Variants in MCCC1 observed in about 807,000 individuals in gnomAD.
MCCC1 encodes the protein methylcrotonyl-CoA carboxylase subunit 1.
Under a neutral mutation model 83.8 loss-of-function variants are expected in MCCC1, and 64 were observed. The observed-to-expected ratio is 0.76, with a 90% confidence interval of 0.62 to 0.94. The LOEUF is 0.94. Among genes scored for constraint, MCCC1 ranks in the 40% least tolerant of loss-of-function variants. The pLI is 0.00. For synonymous variants in MCCC1, 322 were observed against 315.4 expected (o/e 1.02, Z -0.22); for missense variants, 807 against 904.7 (o/e 0.89, Z 1.39).
Position 183,034,105 on chromosome 3 carries a change from A to AACTTATGAG in MCCC1, c.1595-37_1595-29dup, listed in dbSNP as rs1309417425. 12 of 1,422,666 alleles carry AACTTATGAG rather than the reference A, an allele frequency of 8.4e-6. No individual in the cohort carries two copies. The Admixed American group carries it at 1.8e-4, about 22-fold the overall frequency. 88.1% of individuals were successfully genotyped at this position (1,422,666 alleles called of 1,614,324 possible). A position where few individuals can be genotyped will look rare whatever the true frequency, so the allele number is the denominator to read the frequency against. ...AGAAAAAATTTAAAATTCAGTAACA[A>AACTTATGAG]ACTTATGAGTATCAAGCCTATGAAA... is the stretch of plus-strand genomic sequence containing the variant. On this transcript the variant is annotated intron_variant, in intron 13 of 18. Coordinates refer to ENST00000265594, the MANE Select transcript of MCCC1 (RefSeq NM_020166.5).
intron 4 of MCCC1, among the ~76,000 whole-genome samples, chr3:183,074,479 T>A (rs938932207): frequency 2.0e-5 from 3 of 152,296 alleles, no homozygotes; most frequent in Admixed American, 2.0e-4. Flanking sequence ...GCGAGTATTA[T>A]AATTATGACC....
chr3:183,026,614 G>T (rs1419199381), intron 14 of MCCC1, among the ~76,000 whole-genome samples: 5 of 152,148 alleles, frequency 3.3e-5, no homozygotes, highest in African/African-American at 4.8e-5. Flanking sequence ...GGGGGCTGAG[G>T]TAGGAGAATA....
At chr3:183,017,479 T>C (rs1486110858) in intron 17 of MCCC1, 142 bp from the exon 18 acceptor site, 3 of 781,334 alleles carry the variant, frequency 3.8e-6, no homozygotes, top group African/African-American at 3.5e-5. Context: ...CAATAAAACA[T>C]AAATAAAAAG....
intron 13 of MCCC1, among the ~76,000 whole-genome samples, chr3:183,036,558 T>TA (rs1713611611): frequency 2.0e-5 from 3 of 148,232 alleles, no homozygotes; most frequent in South Asian, 4.3e-4. Flanking sequence ...TTTTTTTTTT[T>TA]AGATGAACTC....
At chr3:183,092,225 C>T in intron 3 of MCCC1, 184 bp downstream of exon 3, 1 of 680,346 alleles carries the variant, frequency 1.5e-6, no homozygotes, top group South Asian at 1.8e-5. Context: ...CTACTAAGCA[C>T]ACCGCTTAGT....
chr3:183,041,878 C>T (rs527997410), intron 10 of MCCC1, 128 bp from the exon 11 acceptor site: 21 of 1,061,166 alleles, frequency 2.0e-5, no homozygotes, highest in Middle Eastern at 5.9e-4. Context: ...CAAATAAAAA[C>T]TATTATTTTG....
At chr3:183,090,692 C>A (rs531180729) in intron 3 of MCCC1, among the ~76,000 whole-genome samples, 1 of 151,894 alleles carries the variant, frequency 6.6e-6, no homozygotes, top group East Asian at 1.9e-4. Flanking sequence ...CGGGTTCAAG[C>A]GATTCTCCTG....
chr3:183,092,405 A>G lies in MCCC1; in HGVS notation c.273+4T>C, dbSNP rs949646980. ...AGACGTGGCTTCCAATTTTTAACACATACCATATCTACATGCATGGAATTT... is the reference window on the plus strand; with the variant it reads ...AGACGTGGCTTCCAATTTTTAACACGTACCATATCTACATGCATGGAATTT... On this transcript the variant is annotated splice_donor_region_variant and intron_variant, in intron 3 of 18. Coordinates refer to ENST00000265594, the MANE Select transcript of MCCC1 (RefSeq NM_020166.5). 6.2e-7 allele frequency: 1 copy of G among 1,614,196 alleles called. No individual in the cohort carries two copies. The highest frequency in any genetic ancestry group is 8.5e-7 in the Non-Finnish European group (1 of 1,180,034).
upstream of MCCC1, among the ~76,000 whole-genome samples, chr3:183,101,394 T>C (rs568612591): frequency 9.8e-5 from 15 of 152,300 alleles, no homozygotes; most frequent in Non-Finnish European, 1.6e-4. Context: ...AGAGTCTTTA[T>C]ATCTAGCTCA....
At chr3:183,098,130 C>G (rs181776698) in intron 1 of MCCC1, among the ~76,000 whole-genome samples, 26 of 152,246 alleles carry the variant, frequency 1.7e-4, no homozygotes, top group Admixed American at 1.4e-3. Flanking sequence ...GGGGTTTCAC[C>G]GTGTTATCCA....
At chr3:183,060,378 GA>G (rs1415860428) in intron 7 of MCCC1, among the ~76,000 whole-genome samples, 2 of 152,056 alleles carry the variant, frequency 1.3e-5, no homozygotes, top group Non-Finnish European at 2.9e-5. Context: ...AAAATTATAG[GA>G]AAAAGAGATA....
intron 4 of MCCC1, among the ~76,000 whole-genome samples, chr3:183,085,994 C>T (rs1243928099): frequency 1.3e-5 from 2 of 152,210 alleles, no homozygotes; most frequent in Non-Finnish European, 2.9e-5. Context: ...GAAAGTCCCT[C>T]CCCCAGTCTC....
chr3:183,047,635 GA>G, intron 9 of MCCC1, among the ~76,000 whole-genome samples: 1 of 146,288 alleles, frequency 6.8e-6, no homozygotes, highest in Non-Finnish European at 1.5e-5. Context: ...AAAATTCTAA[GA>G]AAGAATAAAA....
chr3:183,105,628 G>A (rs539336898), intron 1 of MCCC1, among the ~76,000 whole-genome samples: 4 of 151,912 alleles, frequency 2.6e-5, no homozygotes, highest in Admixed American at 2.0e-4. Context: ...TTTGCGTTTC[G>A]TACCTTAGGC....
intron 7 of MCCC1, among the ~76,000 whole-genome samples, chr3:183,069,750 T>C (rs1479460112): frequency 3.9e-5 from 6 of 152,118 alleles, no homozygotes; most frequent in Non-Finnish European, 7.4e-5. Flanking sequence ...GTCACACACA[T>C]ATATATATAA....
In MCCC1 at chr3:183,091,984, G is replaced by A. The variant is rs147005889; in HGVS notation, c.273+425C>T. Among the ~76,000 whole-genome samples, 13 of 151,968 alleles carry A rather than the reference G, an allele frequency of 8.6e-5. No individual in the cohort carries two copies. The East Asian group carries it at 1.5e-3, about 18-fold the overall frequency. Reference sequence around the variant, plus strand: ...GGAGAATCGCTTGAACCTGAGAGGCGGAGCTTGCAGTGAGTCGGGATTGTG... The same window carrying A: ...GGAGAATCGCTTGAACCTGAGAGGCAGAGCTTGCAGTGAGTCGGGATTGTG... On this transcript the variant is annotated intron_variant, in intron 3 of 18. Transcript: ENST00000265594.
chr3:183,092,556 C>T lies in MCCC1; in HGVS notation c.137-11G>A, dbSNP rs758972484. 1 of 1,614,028 alleles carries T rather than the reference C, an allele frequency of 6.2e-7. No individual in the cohort carries two copies. The highest frequency in any genetic ancestry group is 1.1e-5 in the South Asian group (1 of 91,068). ...TGGTAATGTTTCTTCCTGTTTAAAA[C>T]ACCATGAAAATCACACAGAAATGTT... On this transcript the variant is annotated splice_polypyrimidine_tract_variant and intron_variant, in intron 2 of 18. Transcript: ENST00000265594.
In MCCC1 at chr3:183,072,442, C is replaced by A. The variant is rs1436217339; in HGVS notation, c.415G>T (p.Ala139Ser). 3 of 1,613,778 alleles carry A rather than the reference C, an allele frequency of 1.9e-6. No individual in the cohort carries two copies. Among genetic ancestry groups the A allele is most frequent in the African/African-American group, 2.7e-5 (2 of 74,928 alleles). The change falls in exon 5 of 19, where the codon GCT (alanine) becomes TCT (serine). Residue 139 changes from alanine to serine, a missense_variant. Ala to Ser is a moderately conservative substitution (Grantham distance 99). Coordinates refer to ENST00000265594, the MANE Select transcript of MCCC1 (RefSeq NM_020166.5). ...ATTCCTTCTTGCTTACAAAGTTCAGCAAATTCCATGTTTTCTGAGAGAAAA... is the reference window on the plus strand; with the variant it reads ...ATTCCTTCTTGCTTACAAAGTTCAGAAAATTCCATGTTTTCTGAGAGAAAA... The part of the protein sequence containing the change: ...CGFLSENMEF[A>S]ELCKQEGIIF...
intron 4 of MCCC1, among the ~76,000 whole-genome samples, chr3:183,074,916 TGTTCTTAA>T (rs1716954685): frequency 6.6e-6 from 1 of 152,188 alleles, no homozygotes; most frequent in Non-Finnish European, 1.5e-5. Context: ...TCCTTCTTTG[TGTTCTTAA>T]GTTCTTATCA....
Sources: allele counts gnomAD v4.1 joint callset (sites outside exome capture counted in the v4.1 genomes callset), GRCh38; gene constraint gnomAD v4.1.1; transcripts MANE v1.5; gene names NCBI Gene and HGNC (gene_info 2026-07-23, HGNC 2026-07-21).